MAML3: variants seen among roughly 807,000 people sequenced by gnomAD.
The protein encoded by MAML3 is mastermind like transcriptional coactivator 3, also known as mastermind-like protein 3.
MAML3 carries 27 observed loss-of-function variants against 101.9 expected under a neutral mutation model. The ratio of observed to expected loss-of-function variants is 0.27; its 90% confidence interval spans 0.20 to 0.37. MAML3 has a LOEUF of 0.37. Ranked by LOEUF, MAML3 falls within the 10% of genes least tolerant of loss-of-function variation. MAML3 has a pLI of 1.00. For synonymous variants in MAML3, 501 were observed against 555.9 expected, an observed-to-expected ratio of 0.90 and a Z score of 1.39; for missense variants, 1,316 against 1,444.9, an observed-to-expected ratio of 0.91 and a Z score of 1.45.
In MAML3 at chr4:139,889,861, A is replaced by G; in HGVS notation, c.1575T>C (p.Ser525=). Residue 525 remains serine (S), a synonymous_variant, in exon 2 of 5, where the codon TCT becomes TCC. Coordinates refer to ENST00000509479, the MANE Select transcript of MAML3 (RefSeq NM_018717.5). ...TSNWSPLGPP[S]SPYGAAFTAE... is the part of the protein sequence containing the mutation. ...CAGTAAAAGCTGCTCCATATGGACT[A>G]GAGGGAGGTCCTAAGGGAGACCAAT... The G allele has an allele frequency of 6.2e-7, 1 of 1,613,484 alleles. No individual in the cohort carries two copies. Among genetic ancestry groups the G allele is most frequent in the Non-Finnish European group, 8.5e-7 (1 of 1,179,840 alleles).
chr4:140,067,726 C>CTT lies in MAML3; in HGVS notation c.468+85132_468+85133dup, dbSNP rs34853196. 3.7e-3 allele frequency among the ~76,000 whole-genome samples: 481 copies of CTT among 131,350 alleles called. 2 individuals carry two copies. The highest frequency in any genetic ancestry group is 0.011 in the African/African-American group (390 of 34,708). 86.2% of individuals were successfully genotyped at this position (131,350 alleles called of 152,430 possible). A position where few individuals can be genotyped will look rare whatever the true frequency, so the allele number is the denominator to read the frequency against. Reference sequence around the variant, plus strand: ...GTAATACATAAATGTCAATCTTAATCTTTTTTTTTTTTTTTTTTTTGAGAT... The same window carrying CTT: ...GTAATACATAAATGTCAATCTTAATCTTTTTTTTTTTTTTTTTTTTTTGAGAT... On this transcript the variant is annotated intron_variant, in intron 1 of 4. Transcript: ENST00000509479.
At chr4:140,125,236 G>A (rs1033340181) in intron 1 of MAML3, among the ~76,000 whole-genome samples, 1 of 152,050 alleles carries the variant, frequency 6.6e-6, no homozygotes, top group Non-Finnish European at 1.5e-5. Flanking sequence ...CTACTCAAAT[G>A]TGTATAATAT....
chr4:139,888,797 A>G (rs949400924), intron 2 of MAML3, among the ~76,000 whole-genome samples: 2 of 152,238 alleles, frequency 1.3e-5, no homozygotes, highest in African/African-American at 4.8e-5. Context: ...TCTAGCAGCA[A>G]GTGTTTAAAC....
Position 139,718,414 on chromosome 4 carries a change from G to A in MAML3, c.*909C>T, listed in dbSNP as rs913610818. 1.3e-5 allele frequency: 2 copies of A among 152,368 alleles called. No individual in the cohort carries two copies. The highest frequency in any genetic ancestry group is 2.9e-5 in the Non-Finnish European group (2 of 68,156). The allele number at this position is 152,368 out of a possible 1,614,324, so 9.4% of individuals were successfully genotyped here. A position where few individuals can be genotyped will look rare whatever the true frequency, so the allele number is the denominator to read the frequency against. On this transcript the variant is annotated 3_prime_UTR_variant, in exon 5 of 5. Transcript: ENST00000509479. ...GGGAGGCTGGTGTGGAGGCAAGGAG[G>A]AATAAAGGCAGGGCTGGAGACAAAG...
intron 2 of MAML3, among the ~76,000 whole-genome samples, chr4:139,859,707 A>C (rs533122301): frequency 6.6e-6 from 1 of 152,330 alleles, no homozygotes; most frequent in South Asian, 2.1e-4. Context: ...AAATATACTA[A>C]AATTATTCCC....
intron 1 of MAML3, among the ~76,000 whole-genome samples, chr4:139,915,025 TG>T (rs1261998871): frequency 5.9e-5 from 9 of 152,190 alleles, no homozygotes; most frequent in African/African-American, 2.2e-4. Flanking sequence ...GCATATACAA[TG>T]AATCTAAAAT....
At chr4:139,903,715 GGGGA>G (rs1344895235) in intron 1 of MAML3, among the ~76,000 whole-genome samples, 2 of 152,180 alleles carry the variant, frequency 1.3e-5, no homozygotes, top group Non-Finnish European at 2.9e-5. Flanking sequence ...TACCAGCAAA[GGGGA>G]GATGCCAATC....
intron 1 of MAML3, among the ~76,000 whole-genome samples, chr4:139,920,063 C>A (rs72712529): frequency 3.3e-5 from 5 of 152,126 alleles, no homozygotes; most frequent in Non-Finnish European, 5.9e-5. Flanking sequence ...AACTTGGTTG[C>A]GATTATCAAA....
chr4:140,060,365 C>CAAAAAAAAAAAAAATAAAA lies in MAML3; in HGVS notation c.468+92494_468+92495insTTTTATTTTTTTTTTTTTT, dbSNP rs1727424316. Reference sequence around the variant, plus strand: ...TGGGCGACAGAGTAAGACTCTGTCTCAAAAAAAAAAAAAAAAAAAAGTCAC... The same window carrying CAAAAAAAAAAAAAATAAAA: ...TGGGCGACAGAGTAAGACTCTGTCTCAAAAAAAAAAAAAATAAAAAAAAAAAAAAAAAAAAAAAAGTCAC... On this transcript the variant is annotated intron_variant, in intron 1 of 4. Coordinates refer to ENST00000509479, the MANE Select transcript of MAML3 (RefSeq NM_018717.5). Among the ~76,000 whole-genome samples, 2 of 19,126 alleles carry CAAAAAAAAAAAAAATAAAA rather than the reference C, an allele frequency of 1.0e-4. 1 individual carries two copies. Among genetic ancestry groups the CAAAAAAAAAAAAAATAAAA allele is most frequent in the Admixed American group, 2.5e-3 (2 of 810 alleles). 12.5% of individuals were successfully genotyped at this position (19,126 alleles called of 152,430 possible).
At chr4:139,781,352 A>G (rs950306036) in intron 2 of MAML3, among the ~76,000 whole-genome samples, 3 of 152,174 alleles carry the variant, frequency 2.0e-5, no homozygotes, top group Non-Finnish European at 4.4e-5. Context: ...ACAAATAGAT[A>G]TAAAGCCAGA....
chr4:139,825,553 C>T (rs1560805556), intron 2 of MAML3, among the ~76,000 whole-genome samples: 1 of 152,124 alleles, frequency 6.6e-6, no homozygotes, highest in Non-Finnish European at 1.5e-5. Context: ...TGGTGGGTGG[C>T]AGGAGGCAGA....
At chr4:139,864,162 T>C (rs968383338) in intron 2 of MAML3, among the ~76,000 whole-genome samples, 10 of 152,176 alleles carry the variant, frequency 6.6e-5, no homozygotes, top group Non-Finnish European at 1.3e-4. Context: ...TAAATAGTGA[T>C]GAAGAATAAT....
chr4:139,770,138 C>T (rs1009240211), intron 2 of MAML3, among the ~76,000 whole-genome samples: 1 of 151,762 alleles, frequency 6.6e-6, no homozygotes, highest in African/African-American at 2.4e-5. Flanking sequence ...CACTATGTTG[C>T]CCAGGTTGGT....
At chr4:139,867,309 C>G (rs143687431) in intron 2 of MAML3, among the ~76,000 whole-genome samples, 1 of 152,150 alleles carries the variant, frequency 6.6e-6, no homozygotes, top group African/African-American at 2.4e-5. Flanking sequence ...ATTGCTGTAG[C>G]TTTCATTGCA....
At chr4:140,034,226 G>C (rs1333696578) in intron 1 of MAML3, among the ~76,000 whole-genome samples, 1 of 152,214 alleles carries the variant, frequency 6.6e-6, no homozygotes, top group Non-Finnish European at 1.5e-5. Flanking sequence ...CCTATGAAGA[G>C]ACAGACCAAA....
At chr4:140,088,489 C>T (rs1344402899) in intron 1 of MAML3, among the ~76,000 whole-genome samples, 3 of 152,208 alleles carry the variant, frequency 2.0e-5, no homozygotes, top group Non-Finnish European at 4.4e-5. Context: ...CACTGCTCCA[C>T]GGTTTGGGCC....
Position 140,082,785 on chromosome 4 carries a change from G to T in MAML3, c.468+70075C>A, listed in dbSNP as rs777597120. Among the ~76,000 whole-genome samples, 7 of 151,516 alleles carry T rather than the reference G, an allele frequency of 4.6e-5. No homozygotes were observed. The South Asian group carries it at 6.3e-4, about 14-fold the overall frequency. ...AATAAACTGTATTAGGAGCTTGTCA[G>T]AAATCCCGAAGTTGGAGACCACTGT... On this transcript the variant is annotated intron_variant, in intron 1 of 4. Coordinates refer to ENST00000509479, the MANE Select transcript of MAML3 (RefSeq NM_018717.5).
intron 1 of MAML3, among the ~76,000 whole-genome samples, chr4:140,108,815 G>A (rs1337312907): frequency 1.3e-5 from 2 of 152,158 alleles, no homozygotes; most frequent in South Asian, 2.1e-4. Flanking sequence ...TAAGTGAAAT[G>A]TCAGAAGCTG....
At chr4:140,068,208 A>T (rs996082760) in intron 1 of MAML3, among the ~76,000 whole-genome samples, 2 of 152,080 alleles carry the variant, frequency 1.3e-5, no homozygotes, top group Non-Finnish European at 2.9e-5. Context: ...AGTGTCAACT[A>T]GTTTTGGTGC....
Sources: gnomAD v4.1 joint callset for allele counts (sites outside exome capture counted in the v4.1 genomes callset) on GRCh38, gnomAD v4.1.1 for gene constraint, MANE v1.5 for transcripts, NCBI Gene and HGNC (gene_info 2026-07-23, HGNC 2026-07-21) for gene names.